The following SOCS7 variants were observed in gnomAD, a reference collection of about 807,000 sequenced individuals.
SOCS7 encodes suppressor of cytokine signaling 7, also known as NAP-4.
A neutral mutation model predicts 58.9 loss-of-function variants in SOCS7; 18 were observed. The observed-to-expected ratio is 0.31, with a 90% CI of 0.21 to 0.45. The LOEUF is 0.45. SOCS7 is among the 20% of genes least tolerant of loss of function. The pLI is 1.00. For synonymous variants in SOCS7, 388 were observed against 364.3 expected (o/e 1.06, Z -0.74); for missense variants, 667 against 837.3 (o/e 0.80, Z 2.51).
intron 7 of SOCS7, among the ~76,000 whole-genome samples, chr17:38,386,667 T>C (rs939259144): frequency 6.6e-6 from 1 of 152,206 alleles, no homozygotes; most frequent in Non-Finnish European, 1.5e-5. Flanking sequence ...ACATTTCTCC[T>C]CATTTATTAT....
At chr17:38,356,546 G>A (rs587695104) in intron 1 of SOCS7, among the ~76,000 whole-genome samples, 37 of 151,998 alleles carry the variant, frequency 2.4e-4, no homozygotes, top group African/African-American at 7.2e-4. Context: ...TTGTATTTTA[G>A]TAGAGACGGC....
chr17:38,370,602 A>G (rs1306802820), intron 6 of SOCS7, among the ~76,000 whole-genome samples: 1 of 151,924 alleles, frequency 6.6e-6, no homozygotes. Context: ...TGGCCTCCCA[A>G]AGTGCTGGGA....
At chr17:38,364,174 G>T (rs1253716699) in intron 2 of SOCS7, among the ~76,000 whole-genome samples, 1 of 152,176 alleles carries the variant, frequency 6.6e-6, no homozygotes, top group Non-Finnish European at 1.5e-5. Context: ...AGCCTTTGTA[G>T]CCTCAGCTGT....
chr17:38,352,662 C>T lies in SOCS7; in HGVS notation c.610C>T (p.Pro204Ser). The T allele has an allele frequency of 6.5e-7, 1 of 1,549,912 alleles. No homozygotes were observed. Among genetic ancestry groups the T allele is most frequent in the Non-Finnish European group, 8.7e-7 (1 of 1,146,828 alleles). ...CTGCTCGGAAGAGGAGCTCAGCAGC[C>T]CGGGTCGCGGAGGAGGAGGGGGCGG... The part of the protein sequence containing the change: ...NSCSEEELSS[P>S]GRGGGGGGRL... The change falls in exon 1 of 10, where the codon CCG (proline) becomes TCG (serine). Residue 204 changes from proline to serine, a missense_variant. By Grantham distance (74) the Pro-to-Ser change is moderately conservative. Coordinates refer to ENST00000612932, the MANE Select transcript of SOCS7 (RefSeq NM_014598.4). The surrounding 1 kb of genome is among the most constrained non-coding windows in gnomAD (Gnocchi z 5.5).
intron 1 of SOCS7, 25 bp from the exon 2 acceptor site, chr17:38,361,684 TTC>T (rs1449207764): frequency 5.7e-6 from 9 of 1,587,792 alleles, no homozygotes; most frequent in Non-Finnish European, 6.9e-6. Context: ...CTCCCCTCTA[TTC>T]TCTCTCTGCT....
chr17:38,377,897 G>A, intron 7 of SOCS7, 55 bp downstream of exon 7: 2 of 1,563,016 alleles, frequency 1.3e-6, no homozygotes, highest in Admixed American at 1.9e-5. Context: ...ATCCAGTTTA[G>A]TGTCAAAAAA....
At position 38,404,929 on chromosome 17, in the gene SOCS7, T is replaced by C. The variant is rs903364002; in HGVS notation, c.*5447T>C. 1.3e-5 allele frequency: 2 copies of C among 152,130 alleles called. No individual in the cohort carries two copies. Among genetic ancestry groups the C allele is most frequent in the Admixed American group, 6.5e-5 (1 of 15,268 alleles). The allele number at this position is 152,130 out of a possible 1,614,324, so 9.4% of individuals were successfully genotyped here. On this transcript the variant is annotated 3_prime_UTR_variant, in exon 10 of 10. Coordinates refer to ENST00000612932, the MANE Select transcript of SOCS7 (RefSeq NM_014598.4). ...AGCCACTGCTGTACGTTTTTGGTTG[T>C]TTTTAAGAAACTCGATGAAGAGGGG...
rs144493134 is a variant in SOCS7, at chr17:38,365,312, T to C, written c.1155T>C (p.Asp385=). The part of the protein sequence containing the change: ...PPRRSLSLLD[D]ISGTLPTSVL... ...TGCTTTTGTTCTCTCTTCTAGATGA[T>C]ATCAGTGGGACGCTGCCTACATCTG... Residue 385 remains aspartate (D), a synonymous_variant, in exon 4 of 10, where the codon GAT becomes GAC. Coordinates refer to ENST00000612932, the MANE Select transcript of SOCS7 (RefSeq NM_014598.4). 6.2e-7 allele frequency: 1 copy of C among 1,610,100 alleles called. No individual in the cohort carries two copies. The highest frequency in any genetic ancestry group is 8.5e-7 in the Non-Finnish European group (1 of 1,177,688).
chr17:38,353,213 C>T (rs1037983450), intron 1 of SOCS7, among the ~76,000 whole-genome samples, 181 bp downstream of exon 1: 5 of 152,226 alleles, frequency 3.3e-5, no homozygotes, highest in Non-Finnish European at 5.9e-5. Context: ...ACAGCTTTCA[C>T]TCTTAAAGAG....
intron 7 of SOCS7, among the ~76,000 whole-genome samples, chr17:38,384,242 G>A (rs756634785): frequency 2.0e-5 from 3 of 152,180 alleles, no homozygotes; most frequent in African/African-American, 4.8e-5. Context: ...CTCCTGCCCT[G>A]TTTGTATACC....
At position 38,365,344 on chromosome 17, in the gene SOCS7, T is replaced by C. The variant is rs754916142; in HGVS notation, c.1187T>C (p.Val396Ala). Residue 396 changes from valine to alanine, a missense_variant, in exon 4 of 10, where the codon GTG becomes GCG. Val to Ala is a moderately conservative substitution (Grantham distance 64). Coordinates refer to ENST00000612932, the MANE Select transcript of SOCS7 (RefSeq NM_014598.4). ...GGGACGCTGCCTACATCTGTCCTTG[T>C]GGCTCCGATGGGGTCTTCCTTGCAG... ...ISGTLPTSVL[V>A]APMGSSLQSF... 1 of 1,613,418 alleles carries C rather than the reference T, an allele frequency of 6.2e-7. No homozygotes were observed. The highest frequency in any genetic ancestry group is 1.3e-5 in the African/African-American group (1 of 74,916).
chr17:38,364,066 C>T (rs2037754815), intron 2 of SOCS7, among the ~76,000 whole-genome samples: 1 of 152,190 alleles, frequency 6.6e-6, no homozygotes, highest in Non-Finnish European at 1.5e-5. Context: ...CATGTGCCTC[C>T]TCCCACCAAG....
rs990742730 is a variant in SOCS7 at position 38,405,106 on chromosome 17, C to T, written c.*5624C>T. 3 of 152,036 alleles carry T rather than the reference C, an allele frequency of 2.0e-5. No individual in the cohort carries two copies. Among genetic ancestry groups the T allele is most frequent in the African/African-American group, 7.2e-5 (3 of 41,380 alleles). 9.4% of individuals were successfully genotyped at this position (152,036 alleles called of 1,614,324 possible). On this transcript the variant is annotated 3_prime_UTR_variant, in exon 10 of 10. Transcript: ENST00000612932. ...CTTCCCATTTAGTTTTCCTCTTTTACCCTTCCTTTTGTGCTTAATTTATTA... is the reference window on the plus strand; with the variant it reads ...CTTCCCATTTAGTTTTCCTCTTTTATCCTTCCTTTTGTGCTTAATTTATTA...
Position 38,352,341 on chromosome 17 carries a change from T to A in SOCS7, c.289T>A (p.Cys97Ser). The A allele has an allele frequency of 6.7e-7, 1 of 1,481,870 alleles. No individual in the cohort carries two copies. Among genetic ancestry groups the A allele is most frequent in the Non-Finnish European group, 8.9e-7 (1 of 1,127,174 alleles). 91.8% of individuals were successfully genotyped at this position (1,481,870 alleles called of 1,614,324 possible). The part of the protein sequence containing the change: ...PSELLCPRHR[C>S]ALDPKALPPG... ...GGAACTGCTGTGTCCCCGGCACCGC[T>A]GTGCCCTGGACCCCAAGGCCCTGCC... Residue 97 changes from cysteine (C) to serine (S), a missense_variant, in exon 1 of 10, where the codon TGT becomes AGT. Cys to Ser is a moderately radical substitution (Grantham distance 112, BLOSUM62 -1). This residue lies in a region of SOCS7 where 154 missense variants were observed against 156.3 expected (regional missense o/e 0.98). Coordinates refer to ENST00000612932, the MANE Select transcript of SOCS7 (RefSeq NM_014598.4). The surrounding 1 kb of genome is among the most constrained non-coding windows in gnomAD (Gnocchi z 5.5).
intron 7 of SOCS7, among the ~76,000 whole-genome samples, chr17:38,387,133 G>GTATATATATATATATA: frequency 1.4e-5 from 1 of 73,484 alleles, no homozygotes; most frequent in African/African-American, 7.0e-5. Flanking sequence ...ATATATGTAT[G>GTATATATATATATATA]TATATATATA....
chr17:38,355,356 T>G (rs974534011), intron 1 of SOCS7, among the ~76,000 whole-genome samples: 1 of 152,204 alleles, frequency 6.6e-6, no homozygotes, highest in African/African-American at 2.4e-5. Context: ...GTAATAGGAC[T>G]GAGCTGGTAA....
chr17:38,364,294 T>C (rs2037758014), intron 2 of SOCS7, among the ~76,000 whole-genome samples: 1 of 152,264 alleles, frequency 6.6e-6, no homozygotes, highest in African/African-American at 2.4e-5. Context: ...GGGAACTTTA[T>C]CTGCATTCAG....
In SOCS7 at chr17:38,358,903, C is replaced by T. The variant is rs183644695; in HGVS notation, c.981-2808C>T. On this transcript the variant is annotated intron_variant, in intron 1 of 9. Transcript: ENST00000612932. ...CTATGATTTTTCTTCTTCAAAATGCCGGGGGTGGGGGAGAAGATGAGCTGA... is the reference window on the plus strand; with the variant it reads ...CTATGATTTTTCTTCTTCAAAATGCTGGGGGTGGGGGAGAAGATGAGCTGA... Among the ~76,000 whole-genome samples, 12 of 151,764 alleles carry T rather than the reference C, an allele frequency of 7.9e-5. No individual in the cohort carries two copies. The East Asian group carries it at 1.2e-3, about 15-fold the overall frequency.
chr17:38,384,758 A>C (rs2038046269), intron 7 of SOCS7, among the ~76,000 whole-genome samples: 1 of 151,570 alleles, frequency 6.6e-6, no homozygotes, highest in African/African-American at 2.4e-5. Flanking sequence ...ACACCTGGCT[A>C]ATTTTTTAAT....
Sources: allele counts gnomAD v4.1 joint callset (sites outside exome capture counted in the v4.1 genomes callset), GRCh38; gene constraint gnomAD v4.1.1; regional missense constraint gnomAD v4.1.1; non-coding constraint Gnocchi (gnomAD v3.1); transcripts MANE v1.5; gene names NCBI Gene and HGNC (gene_info 2026-07-23, HGNC 2026-07-21).